RPL19: variants seen among roughly 807,000 people sequenced by gnomAD.
The protein encoded by RPL19 is ribosomal protein L19, also known as large ribosomal subunit protein eL19.
A neutral mutation model predicts 25.1 loss-of-function variants in RPL19; 2 were observed. The ratio of observed to expected loss-of-function variants is 0.08; its 90% CI spans 0.03 to 0.25. RPL19 has a LOEUF of 0.25. RPL19 is among the 10% of genes least tolerant of loss of function. The pLI, the probability that RPL19 is intolerant of heterozygous loss-of-function variation, is 1.00. For synonymous variants in RPL19, 89 were observed against 91.2 expected, an observed-to-expected ratio of 0.98 and a Z score of 0.14; for missense variants, 123 against 271.8, an observed-to-expected ratio of 0.45 and a Z score of 3.85.
In RPL19 at chr17:39,204,218, A is replaced by G. The variant is rs758685155; in HGVS notation, c.467+31A>G. 42 of 1,318,234 alleles carry G rather than the reference A, an allele frequency of 3.2e-5. No homozygotes were observed. The South Asian group carries it at 3.4e-4, about 11-fold the overall frequency. 81.7% of individuals were successfully genotyped at this position (1,318,234 alleles called of 1,614,324 possible). On this transcript the variant is annotated intron_variant, in intron 5 of 5. Transcript: ENST00000225430. ...TTTCTTTTCAGAGTCTTAGGGGAAC[A>G]TTCTTAGACCTTTGAGAGTTGTTCT... is the stretch of plus-strand genomic sequence containing the variant.
chr17:39,204,109 A>T lies in RPL19; in HGVS notation c.389A>T (p.Asn130Ile). 1 of 1,612,776 alleles carries T rather than the reference A, an allele frequency of 6.2e-7. No individual in the cohort carries two copies. The highest frequency in any genetic ancestry group is 8.5e-7 in the Non-Finnish European group (1 of 1,178,822). Residue 130 changes from asparagine to isoleucine, a missense_variant, in exon 5 of 6, where the codon AAT becomes ATT. Transcript: ENST00000225430. ...YHSLYLKVKGNVFKNKRILME... is the reference protein window; with the variant it reads ...YHSLYLKVKGIVFKNKRILME... ...AGCCTGTACCTGAAGGTGAAGGGGA[A>T]TGTGTTCAAAAACAAGCGGATTCTC...
rs138629071 is a variant in RPL19, at chr17:39,201,496, G to C, written c.112+177G>C. On this transcript the variant is annotated intron_variant, in intron 2 of 5. Transcript: ENST00000225430. ...GCAACCCCTGCTCCCAGGCTCAAGTGATTCTCCCACCTCAGCCTCCTGAGT... is the reference window on the plus strand; with the variant it reads ...GCAACCCCTGCTCCCAGGCTCAAGTCATTCTCCCACCTCAGCCTCCTGAGT... Among the ~76,000 whole-genome samples, 174 of 151,508 alleles carry C rather than the reference G, an allele frequency of 1.1e-3. 5 individuals are homozygous for C. In the East Asian group the frequency reaches 0.022, roughly 19 times the overall value.
intron 4 of RPL19, among the ~76,000 whole-genome samples, chr17:39,203,692 A>G (rs976958783): frequency 6.6e-6 from 1 of 151,596 alleles, no homozygotes; most frequent in African/African-American, 2.4e-5. Context: ...TATTTTTAGT[A>G]GAGATGTGGT....
rs1254669961 is a variant in RPL19, at chr17:39,202,314, C to T, written c.113-3C>T. 1.9e-6 allele frequency: 3 copies of T among 1,613,298 alleles called. No homozygotes were observed. In the Admixed American group the frequency reaches 5.0e-5, roughly 27 times the overall value. On this transcript the variant is annotated splice_region_variant and splice_polypyrimidine_tract_variant and intron_variant, in intron 2 of 5. Coordinates refer to ENST00000225430, the MANE Select transcript of RPL19 (RefSeq NM_000981.4). ...ACTGACCAGGTGCATTATGCTTTCC[C>T]AGGTCAGCAGATCCGGAAGCTCATC...
chr17:39,201,410 T>TA, intron 2 of RPL19, 91 bp downstream of exon 2: 1 of 830,700 alleles, frequency 1.2e-6, no homozygotes, highest in African/African-American at 1.7e-5. Flanking sequence ...CTTTTTTTTT[T>TA]TTTTTTAGAC....
intron 3 of RPL19, 87 bp downstream of exon 3, chr17:39,202,526 C>G: frequency 5.3e-6 from 8 of 1,507,182 alleles, no homozygotes; most frequent in Non-Finnish European, 7.3e-6. Flanking sequence ...TCTGTCTCAT[C>G]TTGAGCCTGT....
intron 1 of RPL19, chr17:39,200,734 G>GC: frequency 9.4e-7 from 1 of 1,059,164 alleles, no homozygotes; most frequent in South Asian, 3.9e-5. Context: ...GCCTCCGACT[G>GC]CCGAGAGAGG....
chr17:39,200,353 AG>A lies in RPL19; in HGVS notation c.5+7del. 6.4e-7 allele frequency: 1 copy of A among 1,564,832 alleles called. No individual in the cohort carries two copies. The highest frequency in any genetic ancestry group is 1.9e-5 in the Admixed American group (1 of 51,340). On this transcript the variant is annotated splice_donor_5th_base_variant and intron_variant, in intron 1 of 5. Coordinates refer to ENST00000225430, the MANE Select transcript of RPL19 (RefSeq NM_000981.4). ...CTGCTGCGGCCGCAGCCATGAGGTG[AG>A]GGCGAGCTGGTCTCCATCAGGCGCT...
At chr17:39,201,465 A>T in intron 2 of RPL19, 146 bp downstream of exon 2, 1 of 601,818 alleles carries the variant, frequency 1.7e-6, no homozygotes, top group Non-Finnish European at 2.9e-6. Flanking sequence ...GTGCCATCTG[A>T]TCATTGCAAC....
intron 2 of RPL19, among the ~76,000 whole-genome samples, chr17:39,201,889 A>C (rs2046293101): frequency 6.6e-6 from 1 of 152,132 alleles, no homozygotes; most frequent in Non-Finnish European, 1.5e-5. Context: ...ACTTGTTACA[A>C]ACCTAGGAAA....
chr17:39,202,618 C>T, intron 3 of RPL19, 179 bp downstream of exon 3: 1 of 737,502 alleles, frequency 1.4e-6, no homozygotes. Context: ...TGAGAGTATC[C>T]CTGGTAGGAG....
intron 4 of RPL19, among the ~76,000 whole-genome samples, chr17:39,203,459 G>A (rs539790766): frequency 2.9e-3 from 440 of 150,964 alleles, no homozygotes; most frequent in Non-Finnish European, 5.4e-3. Context: ...GGGGTTATAG[G>A]CATGAGCCAC....
At chr17:39,200,586 C>T (rs912052945) in intron 1 of RPL19, 2 of 1,259,828 alleles carry the variant, frequency 1.6e-6, no homozygotes, top group Admixed American at 3.9e-5. Flanking sequence ...GCACCGCACA[C>T]GTGTCCGGTC....
chr17:39,204,132 C>G lies in RPL19; in HGVS notation c.412C>G (p.Leu138Val). The change falls in exon 5 of 6, where the codon CTC becomes GTC. Residue 138 changes from leucine to valine, a missense_variant. Physicochemically the swap from Leu to Val is conservative, Grantham distance 32. Transcript: ENST00000225430. ...GAATGTGTTCAAAAACAAGCGGATT[C>G]TCATGGAACACATCCACAAGCTGAA... is the stretch of plus-strand genomic sequence containing the variant. ...KGNVFKNKRILMEHIHKLKAD... is the reference protein window; with the variant it reads ...KGNVFKNKRIVMEHIHKLKAD... The G allele has an allele frequency of 1.2e-6, 2 of 1,613,674 alleles. No individual in the cohort carries two copies. The highest frequency in any genetic ancestry group is 1.7e-6 in the Non-Finnish European group (2 of 1,179,644).
intron 4 of RPL19, 30 bp from the exon 5 acceptor site, chr17:39,204,047 C>T: frequency 2.3e-6 from 3 of 1,286,516 alleles, no homozygotes; most frequent in Non-Finnish European, 3.4e-6. Context: ...CATCACCAAC[C>T]AGCATCTCTT....
rs1449889480 is a variant in RPL19 at position 39,202,252 on chromosome 17, C to A, written c.113-65C>A. The A allele has an allele frequency of 4.4e-6, 7 of 1,600,106 alleles. No individual in the cohort carries two copies. The Admixed American group carries it at 1.2e-4, about 27-fold the overall frequency. On this transcript the variant is annotated intron_variant, in intron 2 of 5. Coordinates refer to ENST00000225430, the MANE Select transcript of RPL19 (RefSeq NM_000981.4). ...AATGTGAGCAGTGTCTCTGGCCTGGCCTATTTGGACTCTGTGATGTGCTTG... is the reference window on the plus strand; with the variant it reads ...AATGTGAGCAGTGTCTCTGGCCTGGACTATTTGGACTCTGTGATGTGCTTG...
At position 39,203,174 on chromosome 17, in the gene RPL19, ATTTTTTT is replaced by A. The variant is rs59332263; in HGVS notation, c.356+84_356+90del. On this transcript the variant is annotated intron_variant, in intron 4 of 5. Transcript: ENST00000225430. ...TTGATGGCTAGTTCATTTCCCAGAG[ATTTTTTT>A]TTTTTTTTTTTTTTTTTTGAGATGG... 438 of 595,972 alleles carry A rather than the reference ATTTTTTT, an allele frequency of 7.3e-4. No homozygotes were observed. In the African/African-American group the frequency reaches 7.9e-3, roughly 11 times the overall value. 36.9% of individuals were successfully genotyped at this position (595,972 alleles called of 1,614,324 possible). A position where few individuals can be genotyped will look rare whatever the true frequency, so the allele number is the denominator to read the frequency against.
At chr17:39,200,731 A>G in intron 1 of RPL19, 1 of 1,061,166 alleles carries the variant, frequency 9.4e-7, no homozygotes, top group Non-Finnish European at 1.1e-6. Flanking sequence ...CAGGCCTCCG[A>G]CTGCCGAGAG....
At chr17:39,201,718 C>T (rs1213528385) in intron 2 of RPL19, among the ~76,000 whole-genome samples, 3 of 151,966 alleles carry the variant, frequency 2.0e-5, no homozygotes, top group African/African-American at 4.8e-5. Context: ...GACTAAGGCA[C>T]GTGCCACCAC....
Sources: gnomAD v4.1 joint callset for allele counts (sites outside exome capture counted in the v4.1 genomes callset) on GRCh38, gnomAD v4.1.1 for gene constraint, MANE v1.5 for transcripts, NCBI Gene and HGNC (gene_info 2026-07-23, HGNC 2026-07-21) for gene names.